Variants in HS6ST2 observed in about 807,000 individuals in gnomAD.
The protein encoded by HS6ST2 is heparan sulfate 6-O-sulfotransferase 2, also known as heparan-sulfate 6-O-sulfotransferase 2.
A neutral mutation model predicts 33.0 loss-of-function variants in HS6ST2; 17 were observed. That is an observed-to-expected ratio of 0.52 (90% CI 0.35 to 0.77). HS6ST2 has a LOEUF of 0.77. Ranked by LOEUF, HS6ST2 falls within the 30% of genes least tolerant of loss-of-function variation. The pLI is 0.01. For missense variants in HS6ST2, 519 were observed against 551.7 expected (o/e 0.94, Z 0.59); for synonymous variants, 248 against 237.1 (o/e 1.05, Z -0.42).
chrX:132,958,265 G>A lies in HS6ST2; in HGVS notation c.338C>T (p.Ala113Val), dbSNP rs761589939. The change falls in exon 1 of 5, where the codon GCC becomes GTC. Residue 113 changes from alanine (A) to valine (V), a missense_variant. Physicochemically the swap from Ala to Val is moderately conservative, Grantham distance 64. Transcript: ENST00000370833. ...GGCGGCCAGGCCCCGAGTGAGCAGGGCCCGGCAGAGGGAGCCCAGGTCCCA... is the reference window on the plus strand; with the variant it reads ...GGCGGCCAGGCCCCGAGTGAGCAGGACCCGGCAGAGGGAGCCCAGGTCCCA... ...RRWDLGSLCRALLTRGLAALG... is the reference protein window; with the variant it reads ...RRWDLGSLCRVLLTRGLAALG... The A allele has an allele frequency of 1.3e-4, 149 of 1,188,263 alleles. No individual in the cohort carries two copies. The highest frequency in any genetic ancestry group is 1.5e-4 in the Non-Finnish European group (137 of 889,506).
At chrX:132,933,659 C>T (rs937527441) in intron 2 of HS6ST2, among the ~76,000 whole-genome samples, 3 of 111,482 alleles carry the variant, frequency 2.7e-5, no homozygotes, top group African/African-American at 9.8e-5. Flanking sequence ...GAGATCCTAA[C>T]ACAGACATAC....
intron 2 of HS6ST2, among the ~76,000 whole-genome samples, chrX:132,736,642 G>A (rs1186453466): frequency 9.0e-6 from 1 of 111,728 alleles, no homozygotes; most frequent in Non-Finnish European, 1.9e-5. Flanking sequence ...TTACAAAAGT[G>A]ATCATGCTGT....
rs369040064 is a variant in HS6ST2, at chrX:132,957,068, G to C, written c.687C>G (p.Ile229Met). The C allele has an allele frequency of 2.6e-5, 32 of 1,210,449 alleles. No homozygotes were observed. The Admixed American group carries it at 7.0e-4, about 26-fold the overall frequency. Residue 229 changes from isoleucine (I) to methionine (M), a missense_variant, in exon 2 of 5, where the codon ATC (isoleucine) becomes ATG (methionine). Transcript: ENST00000370833. ...CGGTCTTCTGGATGTGCAGGAACACGATCAGGTCATCGCCCTTGATGTCGA... is the reference window on the plus strand; with the variant it reads ...CGGTCTTCTGGATGTGCAGGAACACCATCAGGTCATCGCCCTTGATGTCGA... ...VDFDIKGDDLIVFLHIQKTGG... is the reference protein window; with the variant it reads ...VDFDIKGDDLMVFLHIQKTGG...
intron 2 of HS6ST2, among the ~76,000 whole-genome samples, chrX:132,787,167 G>GTATATATA (rs751338482): frequency 1.9e-5 from 1 of 51,391 alleles, no homozygotes; most frequent in African/African-American, 9.9e-5. Context: ...ATATATATAT[G>GTATATATA]TATATATATA....
chrX:132,845,268 T>C (rs188845788), intron 2 of HS6ST2, among the ~76,000 whole-genome samples: 33 of 110,111 alleles, frequency 3.0e-4, no homozygotes, highest in African/African-American at 8.9e-4. Flanking sequence ...TCAATGTCAA[T>C]GTCAATTTAG....
intron 2 of HS6ST2, among the ~76,000 whole-genome samples, chrX:132,942,571 T>C (rs1009753418): frequency 8.9e-6 from 1 of 112,229 alleles, no homozygotes; most frequent in African/African-American, 3.2e-5. Flanking sequence ...ATTATCTTCA[T>C]GATGAGCCCC....
chrX:132,958,058 C>T (rs1005175756), intron 1 of HS6ST2, 117 bp downstream of exon 1: 5 of 743,582 alleles, frequency 6.7e-6, no homozygotes, highest in African/African-American at 2.2e-5. Context: ...GCCGGGCCAC[C>T]AATGGCCAGC....
chrX:132,941,800 C>CT lies in HS6ST2; in HGVS notation c.947+15007dup, dbSNP rs747038621. Among the ~76,000 whole-genome samples the CT allele has an allele frequency of 3.8e-3, 412 of 107,292 alleles. 1 individual carries two copies. The highest frequency in any genetic ancestry group is 0.012 in the African/African-American group (359 of 29,647). The allele number at this position is 107,292 out of a possible 115,157, so 93.2% of individuals were successfully genotyped here. Reference sequence around the variant, plus strand: ...TGCTATACTAATGCTAAAATGATCTCTTTTTTTTTTATTTGCTTAAGTCAT... The same window carrying CT: ...TGCTATACTAATGCTAAAATGATCTCTTTTTTTTTTTATTTGCTTAAGTCAT... On this transcript the variant is annotated intron_variant, in intron 2 of 4. Transcript: ENST00000370833.
chrX:132,766,191 A>G (rs762133019), intron 2 of HS6ST2, among the ~76,000 whole-genome samples: 1 of 112,782 alleles, frequency 8.9e-6, no homozygotes, highest in Admixed American at 9.4e-5. Flanking sequence ...ACTTGCATGG[A>G]GAAAGCTAGA....
intron 2 of HS6ST2, among the ~76,000 whole-genome samples, chrX:132,765,577 C>T (rs2064840568): frequency 9.0e-6 from 1 of 111,221 alleles, no homozygotes; most frequent in African/African-American, 3.3e-5. Flanking sequence ...CCACCTCAGT[C>T]TCCCGAGTAG....
At chrX:132,721,490 TTCAAAGGGAATGA>T (rs1217482232) in intron 2 of HS6ST2, among the ~76,000 whole-genome samples, 3 of 112,148 alleles carry the variant, frequency 2.7e-5, no homozygotes, top group Non-Finnish European at 5.6e-5. Flanking sequence ...AAAACCTGTC[TTCAAAGGGAATGA>T]TCTAACTTCT....
intron 3 of HS6ST2, chrX:132,669,975 T>C (rs1461257847): frequency 8.9e-6 from 1 of 112,591 alleles, no homozygotes. Context: ...TTATCTTCAG[T>C]TCAGCTGCTC....
chrX:132,633,302 G>C (rs1412430741), intron 4 of HS6ST2, among the ~76,000 whole-genome samples: 1 of 110,796 alleles, frequency 9.0e-6, no homozygotes, highest in Non-Finnish European at 1.9e-5. Context: ...AGCATTCAAA[G>C]TTAATTCTGC....
intron 2 of HS6ST2, among the ~76,000 whole-genome samples, chrX:132,753,705 G>A (rs1013088862): frequency 1.8e-5 from 2 of 111,695 alleles, no homozygotes; most frequent in African/African-American, 6.5e-5. Context: ...TACAACAGGT[G>A]TCTCCTAGGA....
At chrX:132,721,549 A>T (rs2064327828) in intron 2 of HS6ST2, among the ~76,000 whole-genome samples, 1 of 112,276 alleles carries the variant, frequency 8.9e-6, no homozygotes, top group Admixed American at 9.4e-5. Context: ...CTTTCATTAG[A>T]TTCTGCTTAT....
At chrX:132,768,741 C>T (rs925754505) in intron 2 of HS6ST2, among the ~76,000 whole-genome samples, 2 of 112,516 alleles carry the variant, frequency 1.8e-5, no homozygotes, top group African/African-American at 6.4e-5. Context: ...AATAGGCTTA[C>T]CCATTGGTGT....
intron 2 of HS6ST2, among the ~76,000 whole-genome samples, chrX:132,928,016 C>T (rs940980971): frequency 2.7e-5 from 3 of 110,681 alleles, no homozygotes; most frequent in South Asian, 7.8e-4. Context: ...GGGGAGGCCT[C>T]AGGAAGATTC....
chrX:132,925,904 A>T (rs1404421460), intron 2 of HS6ST2, among the ~76,000 whole-genome samples: 1 of 111,815 alleles, frequency 8.9e-6, no homozygotes, highest in African/African-American at 3.3e-5. Flanking sequence ...ATGAGGTAGC[A>T]TTCTCCTTTT....
intron 3 of HS6ST2, among the ~76,000 whole-genome samples, chrX:132,696,717 C>T (rs1371171464): frequency 9.1e-6 from 1 of 109,310 alleles, no homozygotes; most frequent in Non-Finnish European, 1.9e-5. Flanking sequence ...TATTTTACTG[C>T]AGTACCTCAG....
Sources: gnomAD v4.1 joint callset for allele counts (sites outside exome capture counted in the v4.1 genomes callset) on GRCh38, gnomAD v4.1.1 for gene constraint, MANE v1.5 for transcripts, NCBI Gene and HGNC (gene_info 2026-07-23, HGNC 2026-07-21) for gene names.